NOMO1: variants seen among roughly 807,000 people sequenced by gnomAD.
NOMO1 encodes NODAL modulator 1.
In NOMO1, 40 loss-of-function variants were observed where a neutral mutation model predicts 133.8. The ratio of observed to expected loss-of-function variants is 0.30; its 90% CI spans 0.23 to 0.39. The LOEUF (loss-of-function observed/expected upper bound fraction) is 0.39, where lower values mean the gene tolerates loss of function less well. NOMO1 is among the 10% of genes least tolerant of loss of function. The probability of loss-of-function intolerance (pLI) is 1.00; values close to 1 mark genes in which losing one functional copy is unlikely to be tolerated. For missense variants in NOMO1, 462 were observed against 1,419.9 expected (o/e 0.33, Z 10.84); for synonymous variants, 236 against 570.5 (o/e 0.41, Z 8.36).
At chr16:14,876,570 G>A (rs1458965710) in intron 21 of NOMO1, 52 bp downstream of exon 21, 1 of 1,611,412 alleles carries the variant, frequency 6.2e-7, no homozygotes, top group Admixed American at 1.7e-5. Context: ...GGAGTCCTCT[G>A]AAGAAACTGG....
In NOMO1 at chr16:14,862,645, C is replaced by T. The variant is rs1027399673; in HGVS notation, c.1221-368C>T. The T allele has an allele frequency of 5.5e-5, 15 of 274,582 alleles. No homozygotes were observed. In the South Asian group the frequency reaches 5.9e-4, roughly 11 times the overall value. 17.0% of individuals were successfully genotyped at this position (274,582 alleles called of 1,614,324 possible). A position where few individuals can be genotyped will look rare whatever the true frequency, so the allele number is the denominator to read the frequency against. The stretch of plus-strand genomic sequence containing the variant: ...GCTTTTAAGGGCTAGCCCACATTCT[C>T]AGTCCAAGGCCGCTCCGCTGTCAAC... On this transcript the variant is annotated intron_variant, in intron 11 of 30. Coordinates refer to ENST00000287667, the MANE Select transcript of NOMO1 (RefSeq NM_014287.4).
intron 15 of NOMO1, among the ~76,000 whole-genome samples, chr16:14,867,176 A>ATTTTTTTTTTTTTTTT (rs1174703237): frequency 4.0e-4 from 3 of 7,474 alleles, no homozygotes; most frequent in East Asian, 2.5e-3. Context: ...ATATATATAT[A>ATTTTTTTTTTTTTTTT]TTTTTTTTTT....
intron 3 of NOMO1, among the ~76,000 whole-genome samples, chr16:14,843,482 C>T (rs1396107870): frequency 6.6e-6 from 1 of 151,976 alleles, no homozygotes; most frequent in Non-Finnish European, 1.5e-5. Flanking sequence ...CAGCAGTGTA[C>T]AAGGGTTTCC....
intron 24 of NOMO1, among the ~76,000 whole-genome samples, chr16:14,880,766 C>T (rs1964231082): frequency 6.6e-6 from 1 of 151,912 alleles, no homozygotes; most frequent in East Asian, 1.9e-4. Context: ...CTTCAAAATG[C>T]TGAAAAGAGT....
intron 17 of NOMO1, among the ~76,000 whole-genome samples, chr16:14,871,966 G>A (rs147654424): frequency 2.0e-5 from 3 of 152,036 alleles, no homozygotes; most frequent in African/African-American, 4.8e-5. Flanking sequence ...AGCCCTCACC[G>A]ATGGGCGTCT....
In NOMO1 at chr16:14,853,936, G is replaced by A; in HGVS notation, c.874-1G>A. Reference sequence around the variant, plus strand: ...AGTGATTAACAGACTCTTCCTTCCAGATTCCGTTCTATCGAGGGGAGAGGA... The same window carrying A: ...AGTGATTAACAGACTCTTCCTTCCAAATTCCGTTCTATCGAGGGGAGAGGA... On this transcript the variant is annotated splice_acceptor_variant, in intron 8 of 30. Coordinates refer to ENST00000287667, the MANE Select transcript of NOMO1 (RefSeq NM_014287.4). LOFTEE classifies it high-confidence loss of function. 6.2e-7 allele frequency: 1 copy of A among 1,610,948 alleles called. No homozygotes were observed.
chr16:14,837,149 C>G (rs1319833032), intron 1 of NOMO1, among the ~76,000 whole-genome samples: 4 of 151,964 alleles, frequency 2.6e-5, no homozygotes, highest in Non-Finnish European at 4.4e-5. Flanking sequence ...TCCTGAGTAG[C>G]TGAGGCTACA....
intron 11 of NOMO1, among the ~76,000 whole-genome samples, chr16:14,860,240 C>T (rs1963902636): frequency 2.0e-5 from 3 of 151,578 alleles, no homozygotes; most frequent in Admixed American, 6.6e-5. Flanking sequence ...TGGTGATGCG[C>T]GCCTATAATC....
chr16:14,860,154 G>T (rs1963900833), intron 11 of NOMO1, among the ~76,000 whole-genome samples: 1 of 151,990 alleles, frequency 6.6e-6, no homozygotes, highest in Admixed American at 6.6e-5. Context: ...CGGATCATGA[G>T]GTCAGGAGTT....
At chr16:14,879,740 GAAAAAAA>G (rs370226264) in intron 23 of NOMO1, among the ~76,000 whole-genome samples, 1 of 92,098 alleles carries the variant, frequency 1.1e-5, no homozygotes, top group African/African-American at 4.1e-5. Context: ...CCCTGTCTCA[GAAAAAAA>G]AAAAAAAAAA....
At chr16:14,887,048 A>C (rs1964336159) in intron 28 of NOMO1, among the ~76,000 whole-genome samples, 186 bp downstream of exon 28, 1 of 152,130 alleles carries the variant, frequency 6.6e-6, no homozygotes, top group Non-Finnish European at 1.5e-5. Flanking sequence ...TTACAAAAAG[A>C]ATACATATTC....
chr16:14,871,434 T>C lies in NOMO1; in HGVS notation c.1895-187T>C, dbSNP rs1027632939. 7.2e-5 allele frequency among the ~76,000 whole-genome samples: 11 copies of C among 152,216 alleles called. No homozygotes were observed. The East Asian group carries it at 1.4e-3, about 19-fold the overall frequency. On this transcript the variant is annotated intron_variant, in intron 16 of 30. Transcript: ENST00000287667. ...GATCGCGCCATTGCATGGATCGGGT[T>C]ATTGGTAAGACGCCTTCATAGGCAG... is the stretch of plus-strand genomic sequence containing the variant.
rs1242680052 is a variant in NOMO1 at position 14,833,802 on chromosome 16, G to C, written c.-50G>C. On this transcript the variant is annotated 5_prime_UTR_variant, in exon 1 of 31. Coordinates refer to ENST00000287667, the MANE Select transcript of NOMO1 (RefSeq NM_014287.4). Reference sequence around the variant, plus strand: ...AAGGAGCCTGCGGCGTGCAGTGTGAGGGGCGGGACCCGGCTGCCGGCGGTG... The same window carrying C: ...AAGGAGCCTGCGGCGTGCAGTGTGACGGGCGGGACCCGGCTGCCGGCGGTG... 1 of 428,760 alleles carries C rather than the reference G, an allele frequency of 2.3e-6. No homozygotes were observed. Among genetic ancestry groups the C allele is most frequent in the Non-Finnish European group, 4.1e-6 (1 of 246,046 alleles). 26.6% of individuals were successfully genotyped at this position (428,760 alleles called of 1,614,324 possible). A position where few individuals can be genotyped will look rare whatever the true frequency, so the allele number is the denominator to read the frequency against.
At chr16:14,882,950 A>G (rs1372026721) in intron 26 of NOMO1, among the ~76,000 whole-genome samples, 1 of 152,076 alleles carries the variant, frequency 6.6e-6, no homozygotes, top group Non-Finnish European at 1.5e-5. Context: ...TCTGCAAGTT[A>G]AGGAACTTAA....
chr16:14,867,165 TA>T (rs1567543287), intron 15 of NOMO1, among the ~76,000 whole-genome samples: 17 of 23,572 alleles, frequency 7.2e-4, no homozygotes, highest in African/African-American at 1.6e-3. Flanking sequence ...TATATATATA[TA>T]TATATATATA....
intron 1 of NOMO1, among the ~76,000 whole-genome samples, chr16:14,837,176 C>T (rs1186249467): frequency 1.3e-5 from 2 of 151,806 alleles, no homozygotes; most frequent in Non-Finnish European, 2.9e-5. Context: ...TGCCATCATG[C>T]CTAGCTAATT....
At chr16:14,864,506 T>C (rs1389100298) in intron 12 of NOMO1, 79 bp from the exon 13 acceptor site, 9 of 1,577,958 alleles carry the variant, frequency 5.7e-6, no homozygotes, top group Admixed American at 1.8e-5. Context: ...TGGTCCCAGA[T>C]GAATGTTCTA....
chr16:14,876,297 A>G (rs1465827075), intron 20 of NOMO1, 62 bp from the exon 21 acceptor site: 6 of 1,606,716 alleles, frequency 3.7e-6, no homozygotes, highest in African/African-American at 1.3e-5. Context: ...GAAACCCCCA[A>G]CCAAGAAGCT....
chr16:14,879,372 G>T (rs1285810217), intron 23 of NOMO1, among the ~76,000 whole-genome samples: 1 of 151,856 alleles, frequency 6.6e-6, no homozygotes, highest in Non-Finnish European at 1.5e-5. Context: ...ACACCACTTT[G>T]CAGTGATGCA....
Sources: allele counts gnomAD v4.1 joint callset (sites outside exome capture counted in the v4.1 genomes callset), GRCh38; gene constraint gnomAD v4.1.1; transcripts MANE v1.5; gene names NCBI Gene and HGNC (gene_info 2026-07-23, HGNC 2026-07-21).